Variants in ZNF808 observed in about 807,000 individuals in gnomAD.
ZNF808 encodes the protein zinc finger protein 808.
Under a neutral mutation model 8.7 loss-of-function variants are expected in ZNF808, and 5 were observed. The observed-to-expected ratio is 0.58, with a 90% confidence interval of 0.30 to 1.21. The LOEUF is 1.21. Among genes scored for constraint, ZNF808 ranks in the 50% most tolerant of loss-of-function variants. The probability of loss-of-function intolerance (pLI) is 0.07; values close to 1 mark genes in which losing one functional copy is unlikely to be tolerated. For missense variants in ZNF808, 1,103 were observed against 1,098.4 expected (o/e 1.00, Z -0.06); for synonymous variants, 380 against 366.0 (o/e 1.04, Z -0.44).
At chr19:52,558,238 A>G (rs2059845278), downstream of ZNF808, among the ~76,000 whole-genome samples, 1 of 150,882 alleles carries the variant, frequency 6.6e-6, no homozygotes, top group Admixed American at 6.6e-5. Flanking sequence ...GGCGCCCGCC[A>G]CCGCGCCTTG....
At chr19:52,552,612 A>G (rs1181424094) in intron 4 of ZNF808, among the ~76,000 whole-genome samples, 2 of 151,214 alleles carry the variant, frequency 1.3e-5, no homozygotes, top group East Asian at 1.9e-4. Flanking sequence ...TCTCAGTGCT[A>G]TAATTGTTTG....
At chr19:52,532,487 G>T (rs1346660016) in intron 1 of ZNF808, among the ~76,000 whole-genome samples, 1 of 152,102 alleles carries the variant, frequency 6.6e-6, no homozygotes, top group Non-Finnish European at 1.5e-5. Flanking sequence ...GCTTCTGGTG[G>T]ATTATTTACC....
chr19:52,548,311 A>G (rs1250025094), intron 4 of ZNF808, among the ~76,000 whole-genome samples: 1 of 152,170 alleles, frequency 6.6e-6, no homozygotes, highest in Non-Finnish European at 1.5e-5. Flanking sequence ...CCTGTAAGAG[A>G]TATGGTTTTC....
chr19:52,550,466 G>C (rs2059765869), intron 4 of ZNF808, among the ~76,000 whole-genome samples: 2 of 151,818 alleles, frequency 1.3e-5, no homozygotes, highest in South Asian at 4.1e-4. Context: ...CTGACCTCAA[G>C]TGATCTACCT....
At position 52,555,782 on chromosome 19, in the gene ZNF808, G is replaced by GA. The variant is rs2059831123; in HGVS notation, c.*155dup. ...AGTTCATTGGCAACCTCATACTGGA[G>GA]AGAAACCTTACAAATGTCATGATTG... On this transcript the variant is annotated 3_prime_UTR_variant, in exon 5 of 5. Coordinates refer to ENST00000359798, the MANE Select transcript of ZNF808 (RefSeq NM_001039886.4). 1.7e-6 allele frequency: 2 copies of GA among 1,144,988 alleles called. No individual in the cohort carries two copies. Among genetic ancestry groups the GA allele is most frequent in the Non-Finnish European group, 2.6e-6 (2 of 778,100 alleles). The allele number at this position is 1,144,988 out of a possible 1,614,324, so 70.9% of individuals were successfully genotyped here.
chr19:52,566,408 C>T (rs1299629635), downstream of ZNF808, among the ~76,000 whole-genome samples: 1 of 152,018 alleles, frequency 6.6e-6, no homozygotes, highest in Admixed American at 6.6e-5. Context: ...TCAGGTGATC[C>T]ACCTGCCTCA....
chr19:52,559,644 G>A (rs908890884), downstream of ZNF808, among the ~76,000 whole-genome samples: 5 of 152,116 alleles, frequency 3.3e-5, no homozygotes, highest in Admixed American at 6.6e-5. Flanking sequence ...AGGTGTGGAG[G>A]GGCAGGCCAC....
chr19:52,555,027 T>C lies in ZNF808; in HGVS notation c.2111T>C (p.Met704Thr), dbSNP rs770776086. Residue 704 changes from methionine to threonine, a missense_variant, in exon 5 of 5, where the codon ATG becomes ACG. Coordinates refer to ENST00000359798, the MANE Select transcript of ZNF808 (RefSeq NM_001039886.4). The part of the protein sequence containing the change: ...VAKHTRIHSG[M>T]KPYKCNECSK... The stretch of plus-strand genomic sequence containing the variant: ...AAACATACTAGAATTCACAGTGGAA[T>C]GAAACCTTACAAGTGTAATGAGTGC... 2.5e-6 allele frequency: 4 copies of C among 1,612,836 alleles called. No individual in the cohort carries two copies. The Admixed American group carries it at 6.7e-5, about 27-fold the overall frequency.
chr19:52,567,486 TTTATTATTATTATTATTA>T (rs199989177), downstream of ZNF808, among the ~76,000 whole-genome samples: 3 of 37,200 alleles, frequency 8.1e-5, no homozygotes, highest in African/African-American at 2.6e-4. Context: ...AGCTGTATTT[TTTATTATTATTATTATTA>T]TTATTATTAT....
chr19:52,536,748 G>T (rs1327094315), intron 2 of ZNF808, among the ~76,000 whole-genome samples: 1 of 152,158 alleles, frequency 6.6e-6, no homozygotes, highest in South Asian at 2.1e-4. Flanking sequence ...GACACCGGGG[G>T]ATCTGGGGTG....
rs745440570 is a variant in ZNF808 at position 52,553,749 on chromosome 19, G to T, written c.833G>T (p.Arg278Leu). Residue 278 changes from arginine (R) to leucine (L), a missense_variant, in exon 5 of 5, where the codon CGT becomes CTT. By Grantham distance (102) the Arg-to-Leu change is moderately radical (BLOSUM62 -2). Transcript: ENST00000359798. ...CACAAGCAATACCTTGCATGCCATC[G>T]TAGATGTCACACTGGAGAGAAACCT... Reference protein sequence around the residue: ...FNHKQYLACHRRCHTGEKPYK... With the variant: ...FNHKQYLACHLRCHTGEKPYK... 1 of 1,614,146 alleles carries T rather than the reference G, an allele frequency of 6.2e-7. No individual in the cohort carries two copies. Among genetic ancestry groups the T allele is most frequent in the Non-Finnish European group, 8.5e-7 (1 of 1,180,018 alleles).
At chr19:52,544,354 A>T (rs71358882) in intron 3 of ZNF808, among the ~76,000 whole-genome samples, 2,480 of 152,214 alleles carry the variant, frequency 0.016, 27 homozygotes, top group South Asian at 0.038. Context: ...ATTTATTTTA[A>T]GATGGAGTCT....
In ZNF808 at chr19:52,555,870, CCT is replaced by C. The variant is rs2059831834; in HGVS notation, c.*244_*245del. ...CAGGAGAATTCATACAGGAGAGAAA[CCT>C]CACAAGTGTGATGATTGTGGCAAAG... On this transcript the variant is annotated 3_prime_UTR_variant, in exon 5 of 5. Transcript: ENST00000359798. 1 of 733,732 alleles carries C rather than the reference CCT, an allele frequency of 1.4e-6. No individual in the cohort carries two copies. The highest frequency in any genetic ancestry group is 2.5e-6 in the Non-Finnish European group (1 of 401,762). 45.5% of individuals were successfully genotyped at this position (733,732 alleles called of 1,614,324 possible).
At chr19:52,537,454 A>G (rs1378865646) in intron 2 of ZNF808, among the ~76,000 whole-genome samples, 1 of 152,222 alleles carries the variant, frequency 6.6e-6, no homozygotes. Flanking sequence ...TAGGAGACTG[A>G]GGCAGAGGGA....
chr19:52,542,226 T>C (rs1292889073), intron 2 of ZNF808, among the ~76,000 whole-genome samples: 1 of 152,100 alleles, frequency 6.6e-6, no homozygotes, highest in Non-Finnish European at 1.5e-5. Context: ...CCCGAGTAGC[T>C]GGGATCACAG....
chr19:52,559,496 C>T (rs1462868396), downstream of ZNF808, among the ~76,000 whole-genome samples: 1 of 152,140 alleles, frequency 6.6e-6, no homozygotes, highest in Non-Finnish European at 1.5e-5. Context: ...ACTGAGGGAA[C>T]TCAGAGGCCG....
At chr19:52,546,258 G>A (rs1272083113) in intron 3 of ZNF808, among the ~76,000 whole-genome samples, 1 of 151,178 alleles carries the variant, frequency 6.6e-6, no homozygotes, top group Non-Finnish European at 1.5e-5. Context: ...CATGATATTG[G>A]GTCATTGCAA....
intron 1 of ZNF808, among the ~76,000 whole-genome samples, chr19:52,530,664 C>CA (rs60540307): frequency 0.17 from 24,976 of 148,226 alleles, 2,677 homozygotes; most frequent in Non-Finnish European, 0.23. Flanking sequence ...CTCCATCTGA[C>CA]AAAAAAAAAG....
chr19:52,539,673 C>T (rs1234854402), intron 2 of ZNF808, among the ~76,000 whole-genome samples: 1 of 150,082 alleles, frequency 6.7e-6, no homozygotes, highest in African/African-American at 2.5e-5. Flanking sequence ...CCTGCCTCAG[C>T]CTCCTGAGTA....
Sources: gnomAD v4.1 joint callset for allele counts (sites outside exome capture counted in the v4.1 genomes callset) on GRCh38, gnomAD v4.1.1 for gene constraint, MANE v1.5 for transcripts, NCBI Gene and HGNC (gene_info 2026-07-23, HGNC 2026-07-21) for gene names.